The following IPCEF1 variants were observed in gnomAD, a reference collection of about 807,000 sequenced individuals.
IPCEF1 encodes interaction protein for cytohesin exchange factors 1.
Under a neutral mutation model 50.9 loss-of-function variants are expected in IPCEF1, and 31 were observed. The ratio of observed to expected loss-of-function variants is 0.61; its 90% CI spans 0.46 to 0.82. The LOEUF (loss-of-function observed/expected upper bound fraction) is 0.82. Ranked by LOEUF, IPCEF1 falls within the 40% of genes least tolerant of loss-of-function variation. The pLI is 0.00. For synonymous variants in IPCEF1, 181 were observed against 192.0 expected (o/e 0.94, Z 0.47); for missense variants, 458 against 514.0 (o/e 0.89, Z 1.05).
intron 10 of IPCEF1, among the ~76,000 whole-genome samples, chr6:154,184,719 CAT>C (rs1801186836): frequency 6.6e-6 from 1 of 150,894 alleles, no homozygotes; most frequent in Non-Finnish European, 1.5e-5. Context: ...GTGATGAAGA[CAT>C]GTTAGCATTG....
intron 2 of IPCEF1, among the ~76,000 whole-genome samples, chr6:154,287,209 G>C (rs1474786291): frequency 6.6e-6 from 1 of 151,384 alleles, no homozygotes; most frequent in Non-Finnish European, 1.5e-5. Flanking sequence ...TGTGAAGATT[G>C]TGCCTATTTC....
rs41292900 is a variant in IPCEF1, at chr6:154,199,835, G to A, written c.743C>T (p.Pro248Leu). 10 of 1,614,128 alleles carry A rather than the reference G, an allele frequency of 6.2e-6. No individual in the cohort carries two copies. The highest frequency in any genetic ancestry group is 4.0e-5 in the African/African-American group (3 of 75,038). ...GTGGATGCCTGCCTCTGAGGGTACA[G>A]GTGAATGAACTTGCACAGCAAACGT... ...PITFAVQVHSPVPSEAGIHKA... is the reference protein window; with the variant it reads ...PITFAVQVHSLVPSEAGIHKA... The change falls in exon 10 of 12, where the codon CCT becomes CTT. Residue 248 changes from proline (P) to leucine (L), a missense_variant. Coordinates refer to ENST00000367220, the MANE Select transcript of IPCEF1 (RefSeq NM_001130700.2).
At chr6:154,224,305 T>C (rs1057085669) in intron 5 of IPCEF1, among the ~76,000 whole-genome samples, 16 of 152,372 alleles carry the variant, frequency 1.1e-4, no homozygotes, top group African/African-American at 3.8e-4. Context: ...TGCATTCTTT[T>C]CTTCAGAAAA....
intron 1 of IPCEF1, among the ~76,000 whole-genome samples, chr6:154,296,618 A>G (rs1161993765): frequency 2.0e-5 from 3 of 152,156 alleles, no homozygotes; most frequent in Non-Finnish European, 2.9e-5. Context: ...TCACGAGGTC[A>G]GGAGATCAAG....
At chr6:154,307,341 C>T (rs146935695) in intron 1 of IPCEF1, among the ~76,000 whole-genome samples, 3,410 of 152,194 alleles carry the variant, frequency 0.022, 142 homozygotes, top group African/African-American at 0.077. Context: ...CTTTGCCTGC[C>T]GCCATCCATG....
chr6:154,208,243 C>T (rs1480648027), intron 9 of IPCEF1, among the ~76,000 whole-genome samples: 2 of 152,150 alleles, frequency 1.3e-5, no homozygotes, highest in African/African-American at 4.8e-5. Context: ...CACCCCGCGT[C>T]AGCCACAGAG....
intron 1 of IPCEF1, among the ~76,000 whole-genome samples, chr6:154,323,388 G>A (rs1477072364): frequency 1.3e-5 from 2 of 151,938 alleles, no homozygotes; most frequent in African/African-American, 4.8e-5. Flanking sequence ...TAAAGTTGGT[G>A]GTGACAAGCT....
chr6:154,203,920 G>A (rs1777276226), intron 9 of IPCEF1, among the ~76,000 whole-genome samples: 1 of 152,152 alleles, frequency 6.6e-6, no homozygotes, highest in Non-Finnish European at 1.5e-5. Flanking sequence ...CGAATCCCAG[G>A]ATCAAGGGGC....
chr6:154,196,795 G>A (rs1252746954), intron 10 of IPCEF1, among the ~76,000 whole-genome samples: 1 of 152,112 alleles, frequency 6.6e-6, no homozygotes, highest in Admixed American at 6.5e-5. Flanking sequence ...TCTGGAACCT[G>A]GAACTCTCAG....
chr6:154,222,142 T>A (rs2128617560), intron 6 of IPCEF1, among the ~76,000 whole-genome samples: 1 of 152,266 alleles, frequency 6.6e-6, no homozygotes, highest in African/African-American at 2.4e-5. Flanking sequence ...CCTTTGTTAG[T>A]AAAGGGAAAT....
intron 11 of IPCEF1, among the ~76,000 whole-genome samples, chr6:154,161,933 A>G (rs1368673344): frequency 6.6e-6 from 1 of 151,988 alleles, no homozygotes; most frequent in Non-Finnish European, 1.5e-5. Flanking sequence ...CAGTCTCCCA[A>G]ATGACTATTT....
chr6:154,331,974 A>G (rs1783682787), intron 1 of IPCEF1, among the ~76,000 whole-genome samples: 1 of 152,104 alleles, frequency 6.6e-6, no homozygotes, highest in African/African-American at 2.4e-5. Flanking sequence ...ACATCCTTTC[A>G]TTACTGCTCT....
chr6:154,225,760 A>C (rs1253494313), intron 5 of IPCEF1, among the ~76,000 whole-genome samples: 3 of 152,250 alleles, frequency 2.0e-5, no homozygotes, highest in Non-Finnish European at 4.4e-5. Flanking sequence ...ACTTTCATCT[A>C]AATTTTAAGA....
At chr6:154,323,234 G>A (rs1481732848) in intron 1 of IPCEF1, among the ~76,000 whole-genome samples, 1 of 151,998 alleles carries the variant, frequency 6.6e-6, no homozygotes, top group South Asian at 2.1e-4. Flanking sequence ...AATCCACACA[G>A]CTGTCCCCTC....
intron 1 of IPCEF1, among the ~76,000 whole-genome samples, chr6:154,338,257 G>C (rs935083245): frequency 1.3e-5 from 2 of 152,160 alleles, no homozygotes; most frequent in Non-Finnish European, 2.9e-5. Context: ...ATGCCTTATA[G>C]CTAGGCTTTC....
intron 1 of IPCEF1, among the ~76,000 whole-genome samples, chr6:154,304,695 T>C (rs1338722654): frequency 6.6e-6 from 1 of 152,178 alleles, no homozygotes; most frequent in African/African-American, 2.4e-5. Context: ...TATTGAAGGC[T>C]CTCTGCTGAC....
intron 1 of IPCEF1, among the ~76,000 whole-genome samples, chr6:154,312,720 T>A (rs953494983): frequency 7.2e-5 from 11 of 152,004 alleles, no homozygotes; most frequent in African/African-American, 2.7e-4. Context: ...CCACAGTTAA[T>A]AACAGTGAAT....
At chr6:154,234,252 C>T (rs1334935557) in intron 5 of IPCEF1, among the ~76,000 whole-genome samples, 2 of 152,120 alleles carry the variant, frequency 1.3e-5, no homozygotes, top group African/African-American at 2.4e-5. Flanking sequence ...TTTCCCTTAG[C>T]GTGAAAACTC....
intron 1 of IPCEF1, among the ~76,000 whole-genome samples, chr6:154,344,574 T>A (rs1783986610): frequency 6.6e-6 from 1 of 152,106 alleles, no homozygotes; most frequent in South Asian, 2.1e-4. Flanking sequence ...AGCATAAAGA[T>A]CTTCCCTCCT....
Sources: gnomAD v4.1 joint callset for allele counts (sites outside exome capture counted in the v4.1 genomes callset) on GRCh38, gnomAD v4.1.1 for gene constraint, MANE v1.5 for transcripts, NCBI Gene and HGNC (gene_info 2026-07-23, HGNC 2026-07-21) for gene names.